The following PTPRT variants were observed in gnomAD, a reference collection of about 807,000 sequenced individuals.
PTPRT encodes the protein protein tyrosine phosphatase receptor type T, also known as receptor-type tyrosine-protein phosphatase T.
A neutral mutation model predicts 176.8 loss-of-function variants in PTPRT; 56 were observed. The ratio of observed to expected loss-of-function variants is 0.32; its 90% CI spans 0.26 to 0.40. PTPRT has a LOEUF of 0.40. Among genes scored for constraint, PTPRT ranks in the 10% least tolerant of loss-of-function variants. The probability of loss-of-function intolerance (pLI) is 1.00; values close to 1 mark genes in which losing one functional copy is unlikely to be tolerated. For synonymous variants in PTPRT, 783 were observed against 739.0 expected, an observed-to-expected ratio of 1.06 and a Z score of -0.96; for missense variants, 1,540 against 1,908.2, an observed-to-expected ratio of 0.81 and a Z score of 3.60.
chr20:42,788,119 C>G (rs538783267), intron 3 of PTPRT, among the ~76,000 whole-genome samples: 1 of 152,016 alleles, frequency 6.6e-6, no homozygotes, highest in Non-Finnish European at 1.5e-5. Context: ...GTTAGTGACA[C>G]GTGTTAAAAA....
chr20:42,671,982 C>A (rs2075420730), intron 7 of PTPRT, among the ~76,000 whole-genome samples: 1 of 152,194 alleles, frequency 6.6e-6, no homozygotes, highest in Non-Finnish European at 1.5e-5. Flanking sequence ...ATTCCCATCA[C>A]CTGCTATACA....
intron 9 of PTPRT, among the ~76,000 whole-genome samples, chr20:42,416,001 G>A (rs1025843374): frequency 3.3e-5 from 5 of 152,210 alleles, no homozygotes; most frequent in African/African-American, 1.2e-4. Context: ...TTCTCTTCCT[G>A]TAGTGGGTTG....
At chr20:42,659,366 T>C (rs1248295247) in intron 7 of PTPRT, among the ~76,000 whole-genome samples, 1 of 152,206 alleles carries the variant, frequency 6.6e-6, no homozygotes, top group Non-Finnish European at 1.5e-5. Flanking sequence ...TTGTGTGACA[T>C]ATTACAGGCA....
At chr20:43,121,674 T>C (rs2013267039) in intron 1 of PTPRT, among the ~76,000 whole-genome samples, 1 of 152,198 alleles carries the variant, frequency 6.6e-6, no homozygotes, top group Admixed American at 6.5e-5. Context: ...TTAGAGACAA[T>C]TCTTGATTTA....
Position 42,824,010 on chromosome 20 carries a change from G to C in PTPRT, c.215-32544C>G, listed in dbSNP as rs74371973. Among the ~76,000 whole-genome samples the C allele has an allele frequency of 8.6e-5, 13 of 151,964 alleles. No individual in the cohort carries two copies. The East Asian group carries it at 2.3e-3, about 27-fold the overall frequency. Reference sequence around the variant, plus strand: ...AATAACCACTTGGAAGCTCTGACAAGAAATAAATTAAATCCCATGGTAGCA... The same window carrying C: ...AATAACCACTTGGAAGCTCTGACAACAAATAAATTAAATCCCATGGTAGCA... On this transcript the variant is annotated intron_variant, in intron 2 of 30. Transcript: ENST00000373187.
intron 7 of PTPRT, among the ~76,000 whole-genome samples, chr20:42,554,273 A>G (rs1210795907): frequency 1.3e-5 from 2 of 152,030 alleles, no homozygotes; most frequent in East Asian, 3.9e-4. Context: ...AAGCACTTGT[A>G]CCCCCAAACC....
intron 1 of PTPRT, among the ~76,000 whole-genome samples, chr20:42,991,299 C>T (rs1457113392): frequency 1.3e-5 from 2 of 152,048 alleles, no homozygotes; most frequent in Non-Finnish European, 2.9e-5. Context: ...CTGCAAGGCA[C>T]TAGGATAGTA....
At chr20:42,448,356 G>T in intron 8 of PTPRT, 27 bp from the exon 9 acceptor site, 1 of 1,523,206 alleles carries the variant, frequency 6.6e-7, no homozygotes, top group Non-Finnish European at 9.1e-7. Flanking sequence ...TTATGAACTT[G>T]ATGTCACCTT....
At position 42,080,797 on chromosome 20, in the gene PTPRT, G is replaced by A. The variant is rs1282725724; in HGVS notation, c.*82C>T. 7.1e-7 allele frequency: 1 copy of A among 1,414,872 alleles called. No homozygotes were observed. The allele number at this position is 1,414,872 out of a possible 1,614,324, so 87.6% of individuals were successfully genotyped here. ...GGCAGGGTGCCACCTCAGAGCTCCT[G>A]AGCCCAGTTACTGCCATTCACACAA... On this transcript the variant is annotated 3_prime_UTR_variant, in exon 31 of 31. Coordinates refer to ENST00000373187, the MANE Select transcript of PTPRT (RefSeq NM_007050.6).
chr20:42,358,806 C>A (rs6102798), intron 9 of PTPRT, among the ~76,000 whole-genome samples: 23,646 of 152,136 alleles, frequency 0.16, 2,629 homozygotes, highest in East Asian at 0.57. Context: ...TTCTTCCTGG[C>A]AGACACAGCA....
At chr20:42,811,336 AG>A (rs1189783978) in intron 2 of PTPRT, among the ~76,000 whole-genome samples, 1 of 152,184 alleles carries the variant, frequency 6.6e-6, no homozygotes, top group Non-Finnish European at 1.5e-5. Flanking sequence ...ACGGAAGAAT[AG>A]GTGGAAATAA....
intron 19 of PTPRT, among the ~76,000 whole-genome samples, chr20:42,122,637 C>T (rs1365546204): frequency 6.6e-6 from 1 of 152,212 alleles, no homozygotes; most frequent in Non-Finnish European, 1.5e-5. Flanking sequence ...CCTCATCCTC[C>T]CTGGCTGAGG....
At chr20:42,588,394 A>G (rs1278377803) in intron 7 of PTPRT, among the ~76,000 whole-genome samples, 1 of 152,112 alleles carries the variant, frequency 6.6e-6, no homozygotes, top group Non-Finnish European at 1.5e-5. Context: ...CAGTCAGCTG[A>G]GACTGTTTTG....
At chr20:42,861,130 G>C (rs996797856) in intron 2 of PTPRT, among the ~76,000 whole-genome samples, 2 of 152,164 alleles carry the variant, frequency 1.3e-5, no homozygotes, top group African/African-American at 4.8e-5. Flanking sequence ...AGAAGACCAG[G>C]GGGTGGCTGT....
intron 1 of PTPRT, among the ~76,000 whole-genome samples, chr20:42,963,078 T>G (rs1390543277): frequency 6.6e-6 from 1 of 152,054 alleles, no homozygotes; most frequent in African/African-American, 2.4e-5. Context: ...CAGGCACCTG[T>G]AGTTCCAGCT....
intron 7 of PTPRT, among the ~76,000 whole-genome samples, chr20:42,487,115 G>A (rs1444287619): frequency 1.3e-5 from 2 of 152,194 alleles, no homozygotes; most frequent in East Asian, 1.9e-4. Context: ...CAGGTGTGTG[G>A]AGAGCCAGAA....
chr20:42,054,907 A>G, the PTPRT span, among the ~76,000 whole-genome samples: 1 of 152,114 alleles, frequency 6.6e-6, no homozygotes, highest in Non-Finnish European at 1.5e-5. Context: ...TCTCTCCATG[A>G]CCCGCCTCCT....
chr20:42,032,353 A>G, the PTPRT span, among the ~76,000 whole-genome samples: 19 of 152,190 alleles, frequency 1.2e-4, no homozygotes, highest in African/African-American at 4.6e-4. Flanking sequence ...GAGAAGAGAC[A>G]GAGAGAGCTC....
At chr20:42,622,584 C>G (rs1240430950) in intron 7 of PTPRT, among the ~76,000 whole-genome samples, 1 of 151,912 alleles carries the variant, frequency 6.6e-6, no homozygotes, top group East Asian at 1.9e-4. Flanking sequence ...TTATACTTCC[C>G]ACAATCCACT....
Sources: allele counts gnomAD v4.1 joint callset (sites outside exome capture counted in the v4.1 genomes callset), GRCh38; gene constraint gnomAD v4.1.1; transcripts MANE v1.5; gene names NCBI Gene and HGNC (gene_info 2026-07-23, HGNC 2026-07-21).